Variants in SYNE2 observed in about 807,000 individuals in gnomAD.
The protein encoded by SYNE2 is nesprin-2.
In SYNE2, 431 loss-of-function variants were observed where a neutral mutation model predicts 856.3. The observed-to-expected ratio is 0.50, with a 90% CI of 0.47 to 0.55. The LOEUF (loss-of-function observed/expected upper bound fraction) is 0.55. Ranked by LOEUF, SYNE2 falls within the 20% of genes least tolerant of loss-of-function variation. SYNE2 has a pLI of 0.00. For synonymous variants in SYNE2, 2,923 were observed against 2,872.3 expected (o/e 1.02, Z -0.56); for missense variants, 8,129 against 8,023.2 (o/e 1.01, Z -0.50).
intron 96 of SYNE2, among the ~76,000 whole-genome samples, 168 bp from the exon 97 acceptor site, chr14:64,186,256 A>C (rs1429272661): frequency 6.6e-6 from 1 of 152,228 alleles, no homozygotes; most frequent in South Asian, 2.1e-4. Context: ...AGAACTGGCC[A>C]ACCACAACTG....
intron 2 of SYNE2, among the ~76,000 whole-genome samples, chr14:63,935,887 A>G (rs945902302): frequency 1.3e-5 from 2 of 151,996 alleles, no homozygotes; most frequent in African/African-American, 4.8e-5. Flanking sequence ...TATTATTATT[A>G]TTATTGAGAC....
chr14:64,037,527 ACTT>A (rs1429816630), intron 45 of SYNE2, among the ~76,000 whole-genome samples: 4 of 151,976 alleles, frequency 2.6e-5, no homozygotes, highest in South Asian at 2.1e-4. Flanking sequence ...TCCCATGTCT[ACTT>A]CTTTCTACAC....
intron 110 of SYNE2, 131 bp from the exon 111 acceptor site, chr14:64,220,306 C>A: frequency 4.0e-6 from 4 of 1,008,208 alleles, no homozygotes; most frequent in South Asian, 2.8e-5. Context: ...CAGTCCCAGG[C>A]GAGGTCACTC....
At chr14:64,019,832 G>A (rs2096923303) in intron 34 of SYNE2, among the ~76,000 whole-genome samples, 160 bp from the exon 35 acceptor site, 1 of 152,142 alleles carries the variant, frequency 6.6e-6, no homozygotes, top group Admixed American at 6.5e-5. Context: ...ACCCCTGAAG[G>A]CACTTGGATT....
At position 64,212,887 on chromosome 14, in the gene SYNE2, AG is replaced by A; in HGVS notation, c.18939del (p.Ser6314AlafsTer8). The part of the protein sequence containing the change: ...LIVFGEQLIQ[K>X]SEPLDAVLIE... ...GTGTTTGGGGAGCAGCTGATTCAGA[AG>A]AGCGAGCCCCTGGATGCTGTGCTGA... is the stretch of plus-strand genomic sequence containing the variant. On this transcript the variant is annotated frameshift_variant, in exon 105 of 116. Coordinates refer to ENST00000555002, the MANE Select transcript of SYNE2 (RefSeq NM_182914.3). LOFTEE classifies it high-confidence loss of function. 6.2e-7 allele frequency: 1 copy of A among 1,614,190 alleles called. No individual in the cohort carries two copies. The highest frequency in any genetic ancestry group is 8.5e-7 in the Non-Finnish European group (1 of 1,180,028).
intron 84 of SYNE2, among the ~76,000 whole-genome samples, chr14:64,147,212 G>A (rs1158180504): frequency 6.6e-6 from 1 of 152,076 alleles, no homozygotes; most frequent in Admixed American, 6.6e-5. Flanking sequence ...TTACTGTCTG[G>A]CCAGTCTGTC....
At chr14:63,938,328 C>T (rs747310796) in intron 2 of SYNE2, among the ~76,000 whole-genome samples, 23 of 152,072 alleles carry the variant, frequency 1.5e-4, no homozygotes, top group South Asian at 2.1e-4. Flanking sequence ...TGGCAGTACA[C>T]GCCTGTAGTC....
At chr14:63,800,576 C>T (rs1182025030) in intron 1 of SYNE2, among the ~76,000 whole-genome samples, 1 of 152,000 alleles carries the variant, frequency 6.6e-6, no homozygotes, top group Non-Finnish European at 1.5e-5. Flanking sequence ...AGGCATGAGC[C>T]ACCGCACCCA....
chr14:63,920,511 CATAT>C (rs1251123502), intron 2 of SYNE2, among the ~76,000 whole-genome samples: 1 of 150,188 alleles, frequency 6.7e-6, no homozygotes, highest in Non-Finnish European at 1.5e-5. Flanking sequence ...GTCATATAAA[CATAT>C]AGGGGTCTGG....
intron 35 of SYNE2, among the ~76,000 whole-genome samples, chr14:64,020,433 A>G (rs2096927968): frequency 6.6e-6 from 1 of 152,274 alleles, no homozygotes; most frequent in Non-Finnish European, 1.5e-5. Flanking sequence ...TTCTAAACAT[A>G]AAGCCTAAAA....
rs1367748124 is a variant in SYNE2, at chr14:64,016,473, A to G, written c.4729A>G (p.Ile1577Val). 4 of 1,571,738 alleles carry G rather than the reference A, an allele frequency of 2.5e-6. No homozygotes were observed. The African/African-American group carries it at 5.4e-5, about 21-fold the overall frequency. ...AATAACTTTCATATCTTTTTTACAGATTGAAATTGTCAAAGAAGAATTTAA... is the reference window on the plus strand; with the variant it reads ...AATAACTTTCATATCTTTTTTACAGGTTGAAATTGTCAAAGAAGAATTTAA... ...KENLKKRIAE[I>V]EIVKEEFNEH... The change falls in exon 33 of 116, where the codon ATT becomes GTT. Residue 1577 changes from isoleucine to valine, a missense_variant and splice_region_variant. Ile to Val is a conservative substitution (Grantham distance 29, BLOSUM62 3). Coordinates refer to ENST00000555002, the MANE Select transcript of SYNE2 (RefSeq NM_182914.3).
At position 63,892,855 on chromosome 14, in the gene SYNE2, TA is replaced by T. The variant is rs576953872; in HGVS notation, c.-51-16242del. On this transcript the variant is annotated intron_variant, in intron 1 of 115. Coordinates refer to ENST00000555002, the MANE Select transcript of SYNE2 (RefSeq NM_182914.3). ...AAGTAGCTGGCCTATAGGCTAGGGC[TA>T]CCATGCCTGGCTGTTTTATTTATTT... Among the ~76,000 whole-genome samples, 16 of 152,138 alleles carry T rather than the reference TA, an allele frequency of 1.1e-4. No homozygotes were observed. The South Asian group carries it at 1.7e-3, about 16-fold the overall frequency.
intron 1 of SYNE2, among the ~76,000 whole-genome samples, chr14:63,896,390 T>C (rs189715456): frequency 1.4e-4 from 22 of 152,254 alleles, no homozygotes; most frequent in African/African-American, 5.3e-4. Context: ...TCTGAAGGGG[T>C]AGAACAATGC....
chr14:64,167,739 C>G (rs1311788109), intron 92 of SYNE2, 100 bp downstream of exon 92: 5 of 1,522,580 alleles, frequency 3.3e-6, no homozygotes, highest in Non-Finnish European at 4.5e-6. Flanking sequence ...CTATCAGTCC[C>G]TAAACACAGA....
At chr14:64,034,183 C>T (rs2097066269) in intron 45 of SYNE2, among the ~76,000 whole-genome samples, 1 of 152,112 alleles carries the variant, frequency 6.6e-6, no homozygotes, top group Non-Finnish European at 1.5e-5. Context: ...ACGTAGGACA[C>T]ATAAAGGCAC....
chr14:63,905,815 C>T (rs560615739), intron 1 of SYNE2, among the ~76,000 whole-genome samples: 151 of 152,110 alleles, frequency 9.9e-4, no homozygotes, highest in Admixed American at 1.8e-3. Flanking sequence ...ATTGCTCTGG[C>T]GGGGGCTTCC....
intron 8 of SYNE2, among the ~76,000 whole-genome samples, chr14:63,956,632 C>T (rs374182129): frequency 2.0e-4 from 30 of 152,226 alleles, no homozygotes; most frequent in African/African-American, 6.7e-4. Flanking sequence ...ATACAGCCTG[C>T]CCTTCATGTC....
At chr14:63,790,243 G>GA (rs1254762572) in intron 1 of SYNE2, among the ~76,000 whole-genome samples, 1 of 152,024 alleles carries the variant, frequency 6.6e-6, no homozygotes, top group African/African-American at 2.4e-5. Flanking sequence ...CAGGTGGGGG[G>GA]ATCACCTGAG....
intron 1 of SYNE2, among the ~76,000 whole-genome samples, chr14:63,862,308 G>C (rs939021114): frequency 1.3e-5 from 2 of 152,208 alleles, no homozygotes; most frequent in African/African-American, 4.8e-5. Flanking sequence ...TTGAGGCGAA[G>C]TCTCGCTCTG....
Sources: allele counts gnomAD v4.1 joint callset (sites outside exome capture counted in the v4.1 genomes callset), GRCh38; gene constraint gnomAD v4.1.1; transcripts MANE v1.5; gene names NCBI Gene and HGNC (gene_info 2026-07-23, HGNC 2026-07-21).